The following CLIP2 variants were observed in gnomAD, a reference collection of about 807,000 sequenced individuals.
CLIP2 encodes CAP-Gly domain containing linker protein 2.
A neutral mutation model predicts 111.7 loss-of-function variants in CLIP2; 41 were observed. The observed-to-expected ratio is 0.37, with a 90% CI of 0.29 to 0.48. CLIP2 has a LOEUF of 0.48. Among genes scored for constraint, CLIP2 ranks in the 20% least tolerant of loss-of-function variants. CLIP2 has a pLI of 0.99. For synonymous variants in CLIP2, 660 were observed against 644.2 expected, an observed-to-expected ratio of 1.02 and a Z score of -0.37; for missense variants, 1,160 against 1,422.1, an observed-to-expected ratio of 0.82 and a Z score of 2.96.
At chr7:74,368,504 G>A (rs529148019) in intron 8 of CLIP2, among the ~76,000 whole-genome samples, 33 of 151,718 alleles carry the variant, frequency 2.2e-4, no homozygotes, top group African/African-American at 6.0e-4. Flanking sequence ...GCGACAGTGC[G>A]AGACTCCATC....
intron 14 of CLIP2, among the ~76,000 whole-genome samples, chr7:74,398,388 T>A (rs1348955601): frequency 2.6e-5 from 4 of 151,822 alleles, no homozygotes; most frequent in Non-Finnish European, 4.4e-5. Flanking sequence ...AACCACCCCA[T>A]CCCCATCCCA....
chr7:74,392,405 G>A (rs1030824159), intron 13 of CLIP2, among the ~76,000 whole-genome samples: 12 of 151,516 alleles, frequency 7.9e-5, no homozygotes, highest in African/African-American at 2.4e-4. Context: ...TGGAGCACAC[G>A]CCTGTGGGTC....
At chr7:74,363,081 C>T (rs954846796) in intron 7 of CLIP2, among the ~76,000 whole-genome samples, 4 of 152,032 alleles carry the variant, frequency 2.6e-5, no homozygotes, top group African/African-American at 7.2e-5. Flanking sequence ...CTCAGCTCAC[C>T]GCAACCTCTG....
Position 74,376,772 on chromosome 7 carries a change from G to C in CLIP2, c.2371G>C (p.Glu791Gln). 3.1e-6 allele frequency: 5 copies of C among 1,611,230 alleles called. No homozygotes were observed. The highest frequency in any genetic ancestry group is 4.2e-6 in the Non-Finnish European group (5 of 1,179,280). The change falls in exon 10 of 17, where the codon GAG becomes CAG. Residue 791 changes from glutamate (E) to glutamine (Q), a missense_variant. Physicochemically the swap from Glu to Gln is conservative, Grantham distance 29 (BLOSUM62 2). Coordinates refer to ENST00000223398, the MANE Select transcript of CLIP2 (RefSeq NM_003388.5). This position sits in a 1 kb window ranked among gnomAD's most constrained non-coding sequence, Gnocchi z 7.1. ...TTTGCGGGAGAAGCTCCTGGTGGCT[G>C]AGAACAGACTCCAGGCGGTCGAGGC... is the stretch of plus-strand genomic sequence containing the variant. ...ESLREKLLVA[E>Q]NRLQAVEALC...
intron 2 of CLIP2, among the ~76,000 whole-genome samples, chr7:74,327,685 C>T (rs1193247090): frequency 6.6e-6 from 1 of 152,206 alleles, no homozygotes; most frequent in African/African-American, 2.4e-5. Flanking sequence ...TTAATGGCAT[C>T]AGGACGGGGA....
intron 8 of CLIP2, among the ~76,000 whole-genome samples, chr7:74,370,913 C>A (rs1242204362): frequency 2.0e-5 from 3 of 152,008 alleles, no homozygotes; most frequent in Non-Finnish European, 4.4e-5. Flanking sequence ...CTTCACTATT[C>A]TTTTATGGTT....
At chr7:74,325,742 G>A (rs1789089744) in intron 2 of CLIP2, among the ~76,000 whole-genome samples, 1 of 151,974 alleles carries the variant, frequency 6.6e-6, no homozygotes, top group South Asian at 2.1e-4. Context: ...TGAGGCAGGA[G>A]AATCGCTTGA....
At position 74,376,796 on chromosome 7, in the gene CLIP2, G is replaced by A. The variant is rs782311150; in HGVS notation, c.2395G>A (p.Ala799Thr). The A allele has an allele frequency of 8.7e-6, 14 of 1,604,524 alleles. No homozygotes were observed. The East Asian group carries it at 3.1e-4, about 36-fold the overall frequency. ...VAENRLQAVEALCSSQHTHMI... is the reference protein window; with the variant it reads ...VAENRLQAVETLCSSQHTHMI... Reference sequence around the variant, plus strand: ...TGAGAACAGACTCCAGGCGGTCGAGGCCCTGTGCTCCTCCCAGCACACCCA... The same window carrying A: ...TGAGAACAGACTCCAGGCGGTCGAGACCCTGTGCTCCTCCCAGCACACCCA... Residue 799 changes from alanine (A) to threonine (T), a missense_variant, in exon 10 of 17, where the codon GCC (alanine) becomes ACC (threonine). Ala to Thr is a moderately conservative substitution (Grantham distance 58, BLOSUM62 0). Around this residue, in one of 5 missense-constraint regions of CLIP2, gnomAD observed 676 missense variants for 777.8 expected, o/e 0.87. Coordinates refer to ENST00000223398, the MANE Select transcript of CLIP2 (RefSeq NM_003388.5). This position sits in a 1 kb window ranked among gnomAD's most constrained non-coding sequence, Gnocchi z 7.1.
chr7:74,310,863 C>T (rs556630795), intron 1 of CLIP2, among the ~76,000 whole-genome samples: 1 of 152,162 alleles, frequency 6.6e-6, no homozygotes, highest in Non-Finnish European at 1.5e-5. Flanking sequence ...AGGCACACGC[C>T]ACCATGCCCT....
At chr7:74,398,662 C>A (rs1449950400) in intron 14 of CLIP2, among the ~76,000 whole-genome samples, 6 of 152,228 alleles carry the variant, frequency 3.9e-5, no homozygotes, top group African/African-American at 1.4e-4. Flanking sequence ...GCCCTTGGCC[C>A]TCAGGGTTCC....
Position 74,372,986 on chromosome 7 carries a change from C to T in CLIP2, c.1435C>T (p.Leu479=). The part of the protein sequence containing the change: ...RIGELEQSLL[L]EKAQAERLLR... The stretch of plus-strand genomic sequence containing the variant: ...TGGGGAGCTGGAACAGAGCCTGCTA[C>T]TGGAGAAGGCGCAGGCCGAGCGGCT... The change falls in exon 9 of 17, where the codon CTG becomes TTG. Residue 479 remains leucine, a synonymous_variant. Coordinates refer to ENST00000223398, the MANE Select transcript of CLIP2 (RefSeq NM_003388.5). 1 of 1,595,626 alleles carries T rather than the reference C, an allele frequency of 6.3e-7. No individual in the cohort carries two copies. The highest frequency in any genetic ancestry group is 8.5e-7 in the Non-Finnish European group (1 of 1,172,730).
At chr7:74,365,611 G>T (rs1403704733) in intron 8 of CLIP2, among the ~76,000 whole-genome samples, 1 of 152,064 alleles carries the variant, frequency 6.6e-6, no homozygotes, top group African/African-American at 2.4e-5. Flanking sequence ...GGCAGGGGGC[G>T]GGACAGACAG....
At chr7:74,331,762 A>T (rs1789288878) in intron 2 of CLIP2, among the ~76,000 whole-genome samples, 1 of 150,472 alleles carries the variant, frequency 6.6e-6, no homozygotes. Flanking sequence ...TTAAGTAGAG[A>T]CGGGGTTTCA....
chr7:74,376,679 G>A lies in CLIP2; in HGVS notation c.2278G>A (p.Glu760Lys), dbSNP rs374499437. ...EFLKEQISLA[E>K]KKMLDYERLQ... Reference sequence around the variant, plus strand: ...CCTCAAGGAGCAGATCTCGCTGGCCGAGAAGAAGATGTTGGACTACGAGCG... The same window carrying A: ...CCTCAAGGAGCAGATCTCGCTGGCCAAGAAGAAGATGTTGGACTACGAGCG... Residue 760 changes from glutamate (E) to lysine (K), a missense_variant, in exon 10 of 17, where the codon GAG (glutamate) becomes AAG (lysine). Physicochemically the swap from Glu to Lys is moderately conservative, Grantham distance 56. Around this residue, in one of 5 missense-constraint regions of CLIP2, gnomAD observed 676 missense variants for 777.8 expected, o/e 0.87. Transcript: ENST00000223398. This position sits in a 1 kb window ranked among gnomAD's most constrained non-coding sequence, Gnocchi z 7.1. The A allele has an allele frequency of 1.6e-5, 26 of 1,613,156 alleles. No individual in the cohort carries two copies. The East Asian group carries it at 3.1e-4, about 19-fold the overall frequency.
At chr7:74,380,740 G>A in intron 10 of CLIP2, 66 bp from the exon 11 acceptor site, 1 of 1,394,764 alleles carries the variant, frequency 7.2e-7, no homozygotes, top group South Asian at 1.3e-5. Flanking sequence ...TGTGCTTGCT[G>A]GGCTGGCTGG....
chr7:74,337,049 C>T lies in CLIP2; in HGVS notation c.122-1399C>T, dbSNP rs1268307624. 3.3e-5 allele frequency among the ~76,000 whole-genome samples: 5 copies of T among 151,826 alleles called. No homozygotes were observed. In the East Asian group the frequency reaches 9.6e-4, roughly 29 times the overall value. On this transcript the variant is annotated intron_variant, in intron 2 of 16. Coordinates refer to ENST00000223398, the MANE Select transcript of CLIP2 (RefSeq NM_003388.5). ...TACAGGCACCCACTACCACATCCGG[C>T]TAATTTTTTTGTATTTTTAGTAGAG... is the stretch of plus-strand genomic sequence containing the variant.
intron 8 of CLIP2, chr7:74,364,654 T>C: frequency 2.6e-6 from 1 of 378,618 alleles, no homozygotes. Context: ...TTCGTTCATC[T>C]TGGATTCCAG....
At chr7:74,371,184 C>T (rs1790605539) in intron 8 of CLIP2, among the ~76,000 whole-genome samples, 1 of 138,770 alleles carries the variant, frequency 7.2e-6, no homozygotes, top group Non-Finnish European at 1.5e-5. Flanking sequence ...GTGGAGGTTG[C>T]AGTGAGCCGA....
In CLIP2 at chr7:74,338,912, G is replaced by A. The variant is rs782229360; in HGVS notation, c.586G>A (p.Val196Met). The change falls in exon 3 of 17, where the codon GTG becomes ATG. Residue 196 changes from valine to methionine, a missense_variant. Coordinates refer to ENST00000223398, the MANE Select transcript of CLIP2 (RefSeq NM_003388.5). This position sits in a 1 kb window ranked among gnomAD's most constrained non-coding sequence, Gnocchi z 4.3. ...GCGGGAGAGCGTCCTCAACAGCTCC[G>A]TGAAGACTGGCAACGAGTCGGGATC... is the stretch of plus-strand genomic sequence containing the variant. The part of the protein sequence containing the change: ...PLRESVLNSS[V>M]KTGNESGSNL... 3.7e-6 allele frequency: 6 copies of A among 1,603,482 alleles called. No individual in the cohort carries two copies. Among genetic ancestry groups the A allele is most frequent in the South Asian group, 3.3e-5 (3 of 91,076 alleles).
Sources: allele counts gnomAD v4.1 joint callset (sites outside exome capture counted in the v4.1 genomes callset), GRCh38; gene constraint gnomAD v4.1.1; regional missense constraint gnomAD v4.1.1; non-coding constraint Gnocchi (gnomAD v3.1); transcripts MANE v1.5; gene names NCBI Gene and HGNC (gene_info 2026-07-23, HGNC 2026-07-21).